TNC: variants seen among roughly 807,000 people sequenced by gnomAD.
TNC encodes tenascin.
TNC carries 109 observed loss-of-function variants against 202.4 expected under a neutral mutation model. The ratio of observed to expected loss-of-function variants is 0.54; its 90% CI spans 0.46 to 0.63. The LOEUF is 0.63. Among genes scored for constraint, TNC ranks in the 30% least tolerant of loss-of-function variants. The pLI is 0.00. For missense variants in TNC, 2,756 were observed against 2,833.3 expected (o/e 0.97, Z 0.62); for synonymous variants, 1,007 against 1,089.7 (o/e 0.92, Z 1.50).
intron 10 of TNC, among the ~76,000 whole-genome samples, chr9:115,071,068 G>A (rs185162182): frequency 3.9e-5 from 6 of 152,296 alleles, no homozygotes; most frequent in African/African-American, 1.2e-4. Flanking sequence ...CTGTTTGTTC[G>A]CTACACAGTG....
intron 14 of TNC, 90 bp downstream of exon 14, chr9:115,059,640 A>G (rs1832390351): frequency 6.7e-6 from 9 of 1,345,462 alleles, no homozygotes; most frequent in African/African-American, 1.5e-5. Flanking sequence ...AAAAGGATTC[A>G]GTTATGGCGA....
Position 115,083,079 on chromosome 9 carries a change from G to T in TNC, c.2132-272C>A, listed in dbSNP as rs187597720. Among the ~76,000 whole-genome samples the T allele has an allele frequency of 1.5e-4, 23 of 152,334 alleles. 1 individual carries two copies. Among genetic ancestry groups the T allele is most frequent in the Admixed American group, 1.3e-3 (20 of 15,306 alleles). Reference sequence around the variant, plus strand: ...TTGGAATCAGACAGACTTGGGGTTAGAATCTAAGCTCTACTATCAATGTGA... The same window carrying T: ...TTGGAATCAGACAGACTTGGGGTTATAATCTAAGCTCTACTATCAATGTGA... On this transcript the variant is annotated intron_variant, in intron 4 of 27. Transcript: ENST00000350763.
At position 115,082,773 on chromosome 9, in the gene TNC, G is replaced by T. The variant is rs1221165647; in HGVS notation, c.2166C>A (p.Ser722=). ...LPAPEGLKFK[S]IKETSVEVEW... ...CCACTTCCACAGATGTCTCCTTGAT[G>T]GACTTGAATTTCAGGCCTTCAGGTG... The change falls in exon 5 of 28, where the codon TCC becomes TCA. Residue 722 remains serine, a synonymous_variant. Coordinates refer to ENST00000350763, the MANE Select transcript of TNC (RefSeq NM_002160.4). 1.9e-5 allele frequency: 30 copies of T among 1,614,012 alleles called. No individual in the cohort carries two copies. The highest frequency in any genetic ancestry group is 2.5e-5 in the Non-Finnish European group (29 of 1,180,000).
chr9:115,117,772 T>C (rs1413310390), intron 1 of TNC, among the ~76,000 whole-genome samples: 1 of 152,192 alleles, frequency 6.6e-6, no homozygotes, highest in Admixed American at 6.5e-5. Flanking sequence ...CAAGTCTGAC[T>C]ATTCATAAAG....
chr9:115,087,995 G>A lies in TNC; in HGVS notation c.458-722C>T, dbSNP rs552641966. On this transcript the variant is annotated intron_variant, in intron 2 of 27. Transcript: ENST00000350763. ...TGGGATTACAGGTGTGAGCCACCAC[G>A]ACTGGCCACTATGTTATTATTTCTT... Among the ~76,000 whole-genome samples the A allele has an allele frequency of 5.3e-5, 8 of 152,284 alleles. No individual in the cohort carries two copies. In the South Asian group the frequency reaches 1.7e-3, roughly 32 times the overall value.
Position 115,090,701 on chromosome 9 carries a change from G to T in TNC, c.318C>A (p.Ile106=). Residue 106 remains isoleucine, a synonymous_variant, in exon 2 of 28, where the codon ATC becomes ATA. Coordinates refer to ENST00000350763, the MANE Select transcript of TNC (RefSeq NM_002160.4). ...CGGCACAGCCACAGGCCCGGCGGGG[G>T]ATGTTGATGCGATGTGTGAAGACAA... ...NQIVFTHRIN[I]PRRACGCAAA... 1 of 1,614,184 alleles carries T rather than the reference G, an allele frequency of 6.2e-7. No homozygotes were observed. Among genetic ancestry groups the T allele is most frequent in the Non-Finnish European group, 8.5e-7 (1 of 1,180,000 alleles).
chr9:115,076,565 A>G lies in TNC; in HGVS notation c.2685T>C (p.Ala895=), dbSNP rs759424535. ...GGGAAACACGTCGAAGATTCCTGGG[A>G]GCATCGAGGCCTGTTTGAGAGAAGG... ...AKETFTTGLD[A]PRNLRRVSQT... Residue 895 remains alanine, a synonymous_variant, in exon 8 of 28, where the codon GCT becomes GCC. Coordinates refer to ENST00000350763, the MANE Select transcript of TNC (RefSeq NM_002160.4). 14 of 1,614,038 alleles carry G rather than the reference A, an allele frequency of 8.7e-6. No homozygotes were observed. Among genetic ancestry groups the G allele is most frequent in the Non-Finnish European group, 1.2e-5 (14 of 1,180,024 alleles).
Position 115,081,875 on chromosome 9 carries a change from A to G in TNC, c.2301T>C (p.Ser767=). 1 of 1,602,880 alleles carries G rather than the reference A, an allele frequency of 6.2e-7. No individual in the cohort carries two copies. Among genetic ancestry groups the G allele is most frequent in the Non-Finnish European group, 8.5e-7 (1 of 1,177,336 alleles). ...ITKSLRRPET[S]YRQTGLAPGQ... ...CAGGAGCTAGACCAGTTTGCCGGTA[A>G]GAGGTCTCTGGCCTCCTCAGGCTTT... The change falls in exon 6 of 28, where the codon TCT becomes TCC. Residue 767 remains serine (S), a synonymous_variant. Transcript: ENST00000350763.
At chr9:115,062,322 A>C (rs1588095900) in intron 13 of TNC, among the ~76,000 whole-genome samples, 1 of 152,308 alleles carries the variant, frequency 6.6e-6, no homozygotes, top group Middle Eastern at 3.4e-3. Flanking sequence ...ACCCAAGAAT[A>C]GAGGTAGGGC....
intron 4 of TNC, among the ~76,000 whole-genome samples, chr9:115,083,051 G>T (rs1335344816): frequency 6.6e-6 from 1 of 152,188 alleles, no homozygotes; most frequent in Non-Finnish European, 1.5e-5. Context: ...ATGAACGCAG[G>T]CTTTGGAATC....
chr9:115,048,228 G>C (rs1347655364), intron 16 of TNC, 32 bp downstream of exon 16: 1 of 1,605,862 alleles, frequency 6.2e-7, no homozygotes, highest in Non-Finnish European at 8.5e-7. Flanking sequence ...GGACCAGGAA[G>C]AGGAACAAAT....
intron 22 of TNC, among the ~76,000 whole-genome samples, chr9:115,033,320 C>G (rs576278674): frequency 7.6e-4 from 115 of 152,258 alleles, no homozygotes; most frequent in African/African-American, 2.7e-3. Flanking sequence ...TGCAGCCCCC[C>G]AGTTCTAGTC....
rs768837740 is a variant in TNC at position 115,064,058 on chromosome 9, G to A, written c.3498C>T (p.Pro1166=). 1 of 1,605,190 alleles carries A rather than the reference G, an allele frequency of 6.2e-7. No homozygotes were observed. The highest frequency in any genetic ancestry group is 8.5e-7 in the Non-Finnish European group (1 of 1,174,354). ...CGGCCACCACGACCTCTCCCAAATT[G>A]GGAGTTTCCCCTGGAGAAGGACAAA... ...LSAEASTGET[P]NLGEVVVAEV... The change falls in exon 12 of 28, where the codon CCC becomes CCT. Residue 1166 remains proline (P), a synonymous_variant. Transcript: ENST00000350763.
chr9:115,057,219 T>C lies in TNC; in HGVS notation c.4513A>G (p.Ile1505Val), dbSNP rs750972263. ...GGAGCAAGTCCAGAGAGGTAGACAA[T>C]AAAATCAGTACTAGGGGGTAGCCCT... ...ISGLPPSTDF[I>V]VYLSGLAPSI... is the part of the protein sequence containing the mutation. Residue 1505 changes from isoleucine to valine, a missense_variant, in exon 15 of 28, where the codon ATT (isoleucine) becomes GTT (valine). This residue lies in a region of TNC where 2,559 missense variants were observed against 2,546.0 expected (regional missense o/e 1.01). Transcript: ENST00000350763. The C allele has an allele frequency of 6.2e-7, 1 of 1,614,076 alleles. No homozygotes were observed. The highest frequency in any genetic ancestry group is 2.2e-5 in the East Asian group (1 of 44,876).
intron 1 of TNC, among the ~76,000 whole-genome samples, chr9:115,103,545 C>T (rs1226363379): frequency 6.6e-6 from 1 of 152,112 alleles, no homozygotes; most frequent in Admixed American, 6.6e-5. Flanking sequence ...CAGGTCTGAC[C>T]AACAGGGTCA....
chr9:115,084,219 C>G lies in TNC; in HGVS notation c.2121G>C (p.Arg707Ser), dbSNP rs200840985. The G allele has an allele frequency of 1.9e-6, 3 of 1,613,830 alleles. No homozygotes were observed. Among genetic ancestry groups the G allele is most frequent in the African/African-American group, 2.7e-5 (2 of 74,898 alleles). The change falls in exon 4 of 28, where the codon AGG (arginine) becomes AGC (serine). Residue 707 changes from arginine (R) to serine (S), a missense_variant. By Grantham distance (110) the Arg-to-Ser change is moderately radical. Around this residue, in one of 2 missense-constraint regions of TNC, gnomAD observed 2,559 missense variants for 2,546.0 expected, o/e 1.01. Transcript: ENST00000350763. ...ENKKSIPVSA[R>S]VATYLPAPEG... ...GTTCTGCTCACTCACACGTGGCCAC[C>G]CTGGCGCTGACAGGAATGCTCTTCT...
intron 3 of TNC, among the ~76,000 whole-genome samples, chr9:115,084,684 C>G (rs1349771950): frequency 2.6e-5 from 4 of 152,164 alleles, no homozygotes; most frequent in Non-Finnish European, 5.9e-5. Flanking sequence ...AGGCTGGAGT[C>G]CCAGGTCAGC....
chr9:115,106,462 G>A (rs1385188283), intron 1 of TNC, among the ~76,000 whole-genome samples: 1 of 152,168 alleles, frequency 6.6e-6, no homozygotes, highest in Non-Finnish European at 1.5e-5. Context: ...AGAGTTGTTG[G>A]ATTTGCAAAA....
chr9:115,082,918 C>A (rs1834416551), intron 4 of TNC, 111 bp from the exon 5 acceptor site: 1 of 712,482 alleles, frequency 1.4e-6, no homozygotes, highest in Non-Finnish European at 2.5e-6. Context: ...CAGGGGCTGA[C>A]AACCAGAGCA....
Sources: gnomAD v4.1 joint callset for allele counts (sites outside exome capture counted in the v4.1 genomes callset) on GRCh38, gnomAD v4.1.1 for gene constraint, gnomAD v4.1.1 regional missense constraint, MANE v1.5 for transcripts, NCBI Gene and HGNC (gene_info 2026-07-23, HGNC 2026-07-21) for gene names.